The following MVB12B variants were observed in gnomAD, a reference collection of about 807,000 sequenced individuals.
MVB12B encodes the protein multivesicular body subunit 12B.
Under a neutral mutation model 41.6 loss-of-function variants are expected in MVB12B, and 16 were observed. The ratio of observed to expected loss-of-function variants is 0.38; its 90% CI spans 0.26 to 0.58. The LOEUF is 0.58. Among genes scored for constraint, MVB12B ranks in the 20% least tolerant of loss-of-function variants. The pLI is 0.62. For missense variants in MVB12B, 274 were observed against 380.2 expected (o/e 0.72, Z 2.32); for synonymous variants, 133 against 139.7 (o/e 0.95, Z 0.34).
At chr9:126,430,399 G>A (rs1246191295) in intron 7 of MVB12B, among the ~76,000 whole-genome samples, 2 of 151,958 alleles carry the variant, frequency 1.3e-5, no homozygotes, top group Admixed American at 6.6e-5. Flanking sequence ...CTCTGTCCCT[G>A]GCTGTGGCTC....
At chr9:126,330,723 A>C (rs917783720) in intron 1 of MVB12B, among the ~76,000 whole-genome samples, 1 of 152,204 alleles carries the variant, frequency 6.6e-6, no homozygotes, top group South Asian at 2.1e-4. Context: ...TTCATCTTGC[A>C]AAACCGAAAC....
chr9:126,335,556 T>A, intron 1 of MVB12B: 1 of 469,750 alleles, frequency 2.1e-6, no homozygotes. Context: ...AGCAGAAAGG[T>A]GTCAGTAATC....
Position 126,327,001 on chromosome 9 carries a change from GC to G in MVB12B, c.73del (p.Arg25GlyfsTer44). The G allele has an allele frequency of 4.3e-6, 1 of 234,174 alleles. No homozygotes were observed. The highest frequency in any genetic ancestry group is 8.5e-6 in the Non-Finnish European group (1 of 117,870). The allele number at this position is 234,174 out of a possible 1,614,324, so 14.5% of individuals were successfully genotyped here. ...PPQPPPPPPQRGTDQSTMPEV... is the reference protein window; with the variant it reads ...PPQPPPPPPQXGTDQSTMPEV... ...CGCAGCCACCGCCGCCGCCGCCCCAGCGGGGAACAGTTAAGTGAGGCCCGGG... is the reference window on the plus strand; with the variant it reads ...CGCAGCCACCGCCGCCGCCGCCCCAGGGGGAACAGTTAAGTGAGGCCCGGG... On this transcript the variant is annotated frameshift_variant, in exon 1 of 10. Transcript: ENST00000361171. LOFTEE classifies it high-confidence loss of function.
rs367758104 is a variant in MVB12B at position 126,376,927 on chromosome 9, A to G, written c.205-4137A>G. Among the ~76,000 whole-genome samples the G allele has an allele frequency of 7.3e-5, 11 of 151,372 alleles. No individual in the cohort carries two copies. Among genetic ancestry groups the G allele is most frequent in the South Asian group, 6.4e-4 (3 of 4,716 alleles). On this transcript the variant is annotated intron_variant, in intron 2 of 9. Coordinates refer to ENST00000361171, the MANE Select transcript of MVB12B (RefSeq NM_033446.3). The surrounding 1 kb of genome is among the most constrained non-coding windows in gnomAD (Gnocchi z 4.1). ...CACTTGCTCCCCCGCCCCCACCCCAATGGTGTCTGGTGATTCTGGATCCTG... is the reference window on the plus strand; with the variant it reads ...CACTTGCTCCCCCGCCCCCACCCCAGTGGTGTCTGGTGATTCTGGATCCTG...
chr9:126,407,727 G>A (rs1002340178), intron 6 of MVB12B, among the ~76,000 whole-genome samples: 3 of 152,208 alleles, frequency 2.0e-5, no homozygotes, highest in Admixed American at 1.3e-4. Flanking sequence ...ATTCATTAGC[G>A]TTATTACCAA....
chr9:126,351,026 G>A (rs1380506511), intron 2 of MVB12B, among the ~76,000 whole-genome samples: 2 of 152,168 alleles, frequency 1.3e-5, no homozygotes, highest in Admixed American at 1.3e-4. Flanking sequence ...AACATAGTAT[G>A]TCTCTTCATT....
At position 126,459,154 on chromosome 9, in the gene MVB12B, CA is replaced by C. The variant is rs991180494; in HGVS notation, c.758-22214del. On this transcript the variant is annotated intron_variant, in intron 7 of 9. Coordinates refer to ENST00000361171, the MANE Select transcript of MVB12B (RefSeq NM_033446.3). This position sits in a 1 kb window ranked among gnomAD's most constrained non-coding sequence, Gnocchi z 4.3. ...GGTTACATACTAAGGAAAAAGTAATCAGTTGGCAAGTAGGTTACCTGGCTGT... is the reference window on the plus strand; with the variant it reads ...GGTTACATACTAAGGAAAAAGTAATCGTTGGCAAGTAGGTTACCTGGCTGT... 2.0e-5 allele frequency among the ~76,000 whole-genome samples: 3 copies of C among 152,160 alleles called. No homozygotes were observed. The highest frequency in any genetic ancestry group is 7.2e-5 in the African/African-American group (3 of 41,430).
intron 6 of MVB12B, among the ~76,000 whole-genome samples, chr9:126,408,973 G>A (rs763550026): frequency 1.2e-4 from 18 of 151,998 alleles, no homozygotes; most frequent in Non-Finnish European, 1.9e-4. Flanking sequence ...CCACCTTCTC[G>A]AGTCCTACTC....
intron 2 of MVB12B, among the ~76,000 whole-genome samples, chr9:126,375,363 C>CTTTTTTTTT (rs35585049): frequency 9.5e-6 from 1 of 105,194 alleles, no homozygotes; most frequent in East Asian, 2.8e-4. Context: ...TAAATTGATT[C>CTTTTTTTTT]TTTTTTTTTT....
At chr9:126,490,304 C>T (rs929605486) in intron 9 of MVB12B, among the ~76,000 whole-genome samples, 1 of 152,162 alleles carries the variant, frequency 6.6e-6, no homozygotes, top group Admixed American at 6.5e-5. Context: ...GCCCTGGCAT[C>T]CGTGGAAGAC....
At chr9:126,502,337 C>T (rs955227587) in intron 9 of MVB12B, among the ~76,000 whole-genome samples, 3 of 150,910 alleles carry the variant, frequency 2.0e-5, no homozygotes, top group South Asian at 2.1e-4. Flanking sequence ...GTTTGGGCAC[C>T]GAGACCTCAC....
chr9:126,390,086 A>G (rs904593916), intron 4 of MVB12B, among the ~76,000 whole-genome samples: 13 of 152,124 alleles, frequency 8.5e-5, no homozygotes, highest in African/African-American at 3.1e-4. Flanking sequence ...CTGTTCCTCA[A>G]TTTGAATGTG....
At chr9:126,453,001 C>T in intron 7 of MVB12B, among the ~76,000 whole-genome samples, 1 of 151,768 alleles carries the variant, frequency 6.6e-6, no homozygotes, top group East Asian at 1.9e-4. Context: ...ACTCAAGTCC[C>T]AGCTCTGCCC....
chr9:126,500,609 A>G (rs1439020237), intron 9 of MVB12B, among the ~76,000 whole-genome samples: 1 of 152,212 alleles, frequency 6.6e-6, no homozygotes, highest in East Asian at 1.9e-4. Context: ...TCTGCATTTG[A>G]CCGGGACCCC....
chr9:126,477,275 C>G (rs561488169), intron 7 of MVB12B, among the ~76,000 whole-genome samples: 3 of 152,196 alleles, frequency 2.0e-5, no homozygotes, highest in Non-Finnish European at 2.9e-5. Flanking sequence ...ACCTCCATGA[C>G]CCAAACACCT....
intron 6 of MVB12B, chr9:126,396,811 T>G (rs764260508): frequency 5.6e-5 from 55 of 985,382 alleles, no homozygotes; most frequent in Non-Finnish European, 6.5e-5. Flanking sequence ...TTCAGTTTCA[T>G]TTGGCATAAA....
At chr9:126,375,513 C>T (rs976397567) in intron 2 of MVB12B, among the ~76,000 whole-genome samples, 2 of 151,990 alleles carry the variant, frequency 1.3e-5, no homozygotes, top group Non-Finnish European at 2.9e-5. Flanking sequence ...CCCCTCCTCC[C>T]CAGAGGTTGC....
intron 7 of MVB12B, among the ~76,000 whole-genome samples, chr9:126,455,836 G>A (rs1055167193): frequency 6.6e-6 from 1 of 151,156 alleles, no homozygotes; most frequent in African/African-American, 2.4e-5. Flanking sequence ...TTTTGCTGTC[G>A]TGGTGGTTCT....
At chr9:126,456,573 C>A (rs1404020321) in intron 7 of MVB12B, among the ~76,000 whole-genome samples, 1 of 152,210 alleles carries the variant, frequency 6.6e-6, no homozygotes, top group Non-Finnish European at 1.5e-5. Context: ...TCCTGCCCCT[C>A]CCTGCTTCCA....
Sources: allele counts gnomAD v4.1 joint callset (sites outside exome capture counted in the v4.1 genomes callset), GRCh38; gene constraint gnomAD v4.1.1; non-coding constraint Gnocchi (gnomAD v3.1); transcripts MANE v1.5; gene names NCBI Gene and HGNC (gene_info 2026-07-23, HGNC 2026-07-21).